The following MAP3K20 variants were observed in gnomAD, a reference collection of about 807,000 sequenced individuals.
MAP3K20 encodes the protein mitogen-activated protein kinase kinase kinase 20, also known as HCCS-4.
Under a neutral mutation model 85.7 loss-of-function variants are expected in MAP3K20, and 40 were observed. The observed-to-expected ratio is 0.47, with a 90% confidence interval of 0.36 to 0.61. The LOEUF is 0.61. Among genes scored for constraint, MAP3K20 ranks in the 20% least tolerant of loss-of-function variants. MAP3K20 has a pLI of 0.00. For missense variants in MAP3K20, 817 were observed against 961.7 expected (o/e 0.85, Z 1.99); for synonymous variants, 325 against 327.7 (o/e 0.99, Z 0.09).
At position 173,182,984 on chromosome 2, in the gene MAP3K20, A is replaced by C. The variant is rs750076698; in HGVS notation, c.349+29A>C. 2.6e-6 allele frequency: 4 copies of C among 1,547,204 alleles called. No individual in the cohort carries two copies. In the South Asian group the frequency reaches 3.6e-5, roughly 14 times the overall value. On this transcript the variant is annotated intron_variant, in intron 4 of 19. Coordinates refer to ENST00000375213, the MANE Select transcript of MAP3K20 (RefSeq NM_016653.3). ...ATAATATTTGGTATATTCTTATAGAATTAGTGGGGTGCATTTTCCCCTCCT... is the reference window on the plus strand; with the variant it reads ...ATAATATTTGGTATATTCTTATAGACTTAGTGGGGTGCATTTTCCCCTCCT...
At chr2:173,180,301 A>G (rs932997515) in intron 3 of MAP3K20, among the ~76,000 whole-genome samples, 1 of 152,204 alleles carries the variant, frequency 6.6e-6, no homozygotes, top group Non-Finnish European at 1.5e-5. Context: ...AATTCTAGGG[A>G]AAAAGCCTCA....
chr2:173,144,246 A>G (rs1321265177), intron 2 of MAP3K20, among the ~76,000 whole-genome samples: 12 of 152,086 alleles, frequency 7.9e-5, no homozygotes, highest in Non-Finnish European at 1.8e-4. Flanking sequence ...GGCAGATCAC[A>G]AGGTCACGAG....
At chr2:173,173,219 G>A (rs1690059180) in intron 3 of MAP3K20, among the ~76,000 whole-genome samples, 1 of 151,450 alleles carries the variant, frequency 6.6e-6, no homozygotes, top group South Asian at 2.1e-4. Flanking sequence ...ATAAATATGT[G>A]AGGGCAGGGG....
At chr2:173,091,531 G>A (rs1237088994) in intron 2 of MAP3K20, among the ~76,000 whole-genome samples, 2 of 152,068 alleles carry the variant, frequency 1.3e-5, no homozygotes, top group African/African-American at 4.8e-5. Context: ...AAGAGGGGTC[G>A]GTAAAGAGTA....
intron 11 of MAP3K20, among the ~76,000 whole-genome samples, chr2:173,219,860 C>A (rs551970061): frequency 5.8e-4 from 88 of 152,004 alleles, no homozygotes; most frequent in Admixed American, 1.8e-3. Flanking sequence ...CGAGGTCAGG[C>A]GTTCAAGACC....
chr2:173,156,551 C>T (rs1239402286), intron 2 of MAP3K20, among the ~76,000 whole-genome samples: 1 of 152,172 alleles, frequency 6.6e-6, no homozygotes, highest in Non-Finnish European at 1.5e-5. Context: ...AACTGTTTCA[C>T]CTCAGATCAT....
intron 11 of MAP3K20, chr2:173,221,365 G>C (rs1435154580): frequency 6.2e-7 from 1 of 1,614,098 alleles, no homozygotes; most frequent in Non-Finnish European, 8.5e-7. Flanking sequence ...CTGGGATGCA[G>C]ATAAACATGC....
At chr2:173,171,577 G>A (rs1690002236) in intron 3 of MAP3K20, among the ~76,000 whole-genome samples, 1 of 152,186 alleles carries the variant, frequency 6.6e-6, no homozygotes, top group Non-Finnish European at 1.5e-5. Context: ...TTCTTAGCCA[G>A]CATATTTCCC....
intron 2 of MAP3K20, among the ~76,000 whole-genome samples, chr2:173,163,160 C>T (rs542691374): frequency 1.3e-5 from 2 of 152,264 alleles, no homozygotes; most frequent in East Asian, 3.9e-4. Flanking sequence ...GGTACGTGTG[C>T]AGGTTTGTAA....
intron 11 of MAP3K20, chr2:173,222,734 T>A: frequency 1.0e-6 from 1 of 985,444 alleles, no homozygotes; most frequent in Non-Finnish European, 1.2e-6. Context: ...ATATCAAGTT[T>A]AGCCTACCAG....
chr2:173,125,119 C>T (rs77879097), intron 2 of MAP3K20, among the ~76,000 whole-genome samples: 9,325 of 152,248 alleles, frequency 0.061, 906 homozygotes, highest in East Asian at 0.52. Flanking sequence ...TAATCCACAA[C>T]TTGCACATTT....
chr2:173,192,219 A>G (rs1490340564), intron 7 of MAP3K20, among the ~76,000 whole-genome samples: 1 of 152,180 alleles, frequency 6.6e-6, no homozygotes, highest in Non-Finnish European at 1.5e-5. Flanking sequence ...TTCTTACTGC[A>G]GGTGGTAGCC....
chr2:173,075,811 G>A (rs911816660), upstream of MAP3K20: 7 of 985,394 alleles, frequency 7.1e-6, no homozygotes, highest in African/African-American at 1.7e-5. Context: ...GTTTCGCGCC[G>A]GGAGGTAGGT....
chr2:173,199,730 AAGAC>A (rs1690980226), intron 8 of MAP3K20, among the ~76,000 whole-genome samples: 2 of 150,940 alleles, frequency 1.3e-5, no homozygotes, highest in Admixed American at 6.6e-5. Flanking sequence ...AAATATGTAT[AAGAC>A]AGAATAATTA....
intron 9 of MAP3K20, among the ~76,000 whole-genome samples, chr2:173,208,992 A>C (rs1559279686): frequency 6.6e-6 from 1 of 152,234 alleles, no homozygotes; most frequent in Non-Finnish European, 1.5e-5. Context: ...ACAGTACCTT[A>C]CAGTGTCTTA....
intron 2 of MAP3K20, among the ~76,000 whole-genome samples, chr2:173,107,074 G>T (rs1687802683): frequency 6.6e-6 from 1 of 152,146 alleles, no homozygotes; most frequent in East Asian, 1.9e-4. Context: ...GTGAGCTGGG[G>T]CTAAAATCAT....
At position 173,079,969 on chromosome 2, in the gene MAP3K20, A is replaced by G. The variant is rs185704489; in HGVS notation, c.-35+3967A>G. On this transcript the variant is annotated intron_variant, in intron 1 of 19. Transcript: ENST00000375213. ...TAGTAAATACATAAATGAGTAACACAGTCATTATCCTTATCAAGCATTGTG... is the reference window on the plus strand; with the variant it reads ...TAGTAAATACATAAATGAGTAACACGGTCATTATCCTTATCAAGCATTGTG... Among the ~76,000 whole-genome samples the G allele has an allele frequency of 2.6e-5, 4 of 152,230 alleles. No individual in the cohort carries two copies. In the East Asian group the frequency reaches 7.7e-4, roughly 29 times the overall value.
chr2:173,110,245 T>A (rs866634297), intron 2 of MAP3K20, among the ~76,000 whole-genome samples: 24 of 53,212 alleles, frequency 4.5e-4, no homozygotes, highest in African/African-American at 1.0e-3. Flanking sequence ...ATATATATTT[T>A]TTTTTTTTTT....
chr2:173,076,608 C>G (rs1479369498), intron 1 of MAP3K20, among the ~76,000 whole-genome samples: 1 of 152,272 alleles, frequency 6.6e-6, no homozygotes, highest in Admixed American at 6.5e-5. Flanking sequence ...TGCGAATAAC[C>G]AGCAGGAACA....
Sources: allele counts gnomAD v4.1 joint callset (sites outside exome capture counted in the v4.1 genomes callset), GRCh38; gene constraint gnomAD v4.1.1; transcripts MANE v1.5; gene names NCBI Gene and HGNC (gene_info 2026-07-23, HGNC 2026-07-21).